Variants in ARHGAP24 observed in about 807,000 individuals in gnomAD.
ARHGAP24 encodes rho GTPase-activating protein 24.
A neutral mutation model predicts 76.4 loss-of-function variants in ARHGAP24; 50 were observed. The ratio of observed to expected loss-of-function variants is 0.65; its 90% CI spans 0.52 to 0.83. The LOEUF (loss-of-function observed/expected upper bound fraction) is 0.83. Ranked by LOEUF, ARHGAP24 falls within the 40% of genes least tolerant of loss-of-function variation. ARHGAP24 has a pLI of 0.00. For synonymous variants in ARHGAP24, 345 were observed against 323.3 expected (o/e 1.07, Z -0.72); for missense variants, 930 against 914.2 (o/e 1.02, Z -0.22).
intron 2 of ARHGAP24, among the ~76,000 whole-genome samples, chr4:85,572,669 T>C (rs934096746): frequency 6.6e-6 from 1 of 152,136 alleles, no homozygotes; most frequent in African/African-American, 2.4e-5. Context: ...CTAGTATTAC[T>C]AGTATTTGTA....
intron 3 of ARHGAP24, among the ~76,000 whole-genome samples, chr4:85,797,196 T>TG (rs775260427): frequency 2.2e-4 from 34 of 152,038 alleles, no homozygotes; most frequent in Admixed American, 7.2e-4. Context: ...TTTTTTGAGA[T>TG]GAGTCTTGCT....
chr4:85,497,430 A>G (rs1253241310), intron 1 of ARHGAP24, among the ~76,000 whole-genome samples: 1 of 152,268 alleles, frequency 6.6e-6, no homozygotes, highest in Non-Finnish European at 1.5e-5. Context: ...TGAAATAATT[A>G]TATAAATGCA....
intron 3 of ARHGAP24, among the ~76,000 whole-genome samples, chr4:85,882,823 C>T (rs927723079): frequency 6.6e-6 from 1 of 152,052 alleles, no homozygotes; most frequent in Admixed American, 6.6e-5. Context: ...TAGAGTAAAA[C>T]TAGAGTCACT....
intron 3 of ARHGAP24, among the ~76,000 whole-genome samples, chr4:85,841,460 C>T (rs1207731889): frequency 6.6e-6 from 1 of 152,164 alleles, no homozygotes; most frequent in Non-Finnish European, 1.5e-5. Context: ...AATTGTAGAA[C>T]TTAACTTATA....
At chr4:85,807,398 T>G (rs944923645) in intron 3 of ARHGAP24, among the ~76,000 whole-genome samples, 1 of 152,202 alleles carries the variant, frequency 6.6e-6, no homozygotes, top group Non-Finnish European at 1.5e-5. Flanking sequence ...CTGAGAATGA[T>G]GGTTTCAGTA....
chr4:85,479,006 T>C (rs985090815), intron 1 of ARHGAP24, among the ~76,000 whole-genome samples: 4 of 152,236 alleles, frequency 2.6e-5, no homozygotes, highest in Non-Finnish European at 5.9e-5. Context: ...CCCAGCCCAG[T>C]GTTGGAAACA....
At chr4:85,943,740 G>A (rs1322000765) in intron 5 of ARHGAP24, among the ~76,000 whole-genome samples, 4 of 151,894 alleles carry the variant, frequency 2.6e-5, no homozygotes, top group African/African-American at 7.3e-5. Flanking sequence ...TTAGTTTGCT[G>A]AGAATGATGG....
At chr4:85,767,246 G>A (rs1726962883) in intron 3 of ARHGAP24, among the ~76,000 whole-genome samples, 1 of 152,156 alleles carries the variant, frequency 6.6e-6, no homozygotes, top group African/African-American at 2.4e-5. Context: ...GAAGTCTTCA[G>A]GTAATAATAT....
At chr4:85,829,204 G>A (rs1367296145) in intron 3 of ARHGAP24, among the ~76,000 whole-genome samples, 3 of 152,088 alleles carry the variant, frequency 2.0e-5, no homozygotes, top group Non-Finnish European at 4.4e-5. Context: ...AGGAAAAAAG[G>A]AAATTTAAAT....
intron 3 of ARHGAP24, among the ~76,000 whole-genome samples, chr4:85,766,367 T>C (rs945845551): frequency 1.3e-5 from 2 of 152,140 alleles, no homozygotes; most frequent in African/African-American, 4.8e-5. Flanking sequence ...AATTCCTTGC[T>C]CTTCAGCTGC....
chr4:85,661,932 G>A (rs1034247234), intron 2 of ARHGAP24, among the ~76,000 whole-genome samples: 175 of 152,278 alleles, frequency 1.1e-3, no homozygotes, highest in African/African-American at 4.0e-3. Flanking sequence ...GGACATTTGG[G>A]TTGGTTCCAA....
chr4:85,681,946 T>TA (rs146151624), intron 2 of ARHGAP24, among the ~76,000 whole-genome samples: 1 of 152,330 alleles, frequency 6.6e-6, no homozygotes, highest in African/African-American at 2.4e-5. Context: ...ATCCTTAAAA[T>TA]ACTCCTAGAA....
chr4:85,920,122 A>T (rs1028097004), intron 3 of ARHGAP24, among the ~76,000 whole-genome samples: 10 of 152,228 alleles, frequency 6.6e-5, no homozygotes, highest in African/African-American at 2.4e-4. Context: ...GTTCTCAAAC[A>T]CTTATTAGAT....
At chr4:85,762,679 A>T (rs1159222312) in intron 3 of ARHGAP24, among the ~76,000 whole-genome samples, 2 of 152,152 alleles carry the variant, frequency 1.3e-5, no homozygotes, top group African/African-American at 4.8e-5. Flanking sequence ...ATGAGCTGGG[A>T]TTCTTCCAGG....
intron 1 of ARHGAP24, among the ~76,000 whole-genome samples, chr4:85,564,468 C>G (rs1025262978): frequency 1.3e-5 from 2 of 151,156 alleles, no homozygotes; most frequent in Non-Finnish European, 2.9e-5. Flanking sequence ...GTGCAGCACA[C>G]CAACATGGCA....
At chr4:85,748,906 A>G (rs1423424894) in intron 3 of ARHGAP24, among the ~76,000 whole-genome samples, 1 of 152,098 alleles carries the variant, frequency 6.6e-6, no homozygotes, top group Non-Finnish European at 1.5e-5. Context: ...TCTTGTCCTC[A>G]TGTATCCTGG....
At chr4:85,525,154 A>G (rs946359387) in intron 1 of ARHGAP24, among the ~76,000 whole-genome samples, 1 of 152,060 alleles carries the variant, frequency 6.6e-6, no homozygotes. Context: ...TTTGATACCA[A>G]ATTGCAGTAT....
intron 1 of ARHGAP24, among the ~76,000 whole-genome samples, chr4:85,505,219 G>A (rs1181405003): frequency 6.6e-6 from 1 of 152,134 alleles, no homozygotes; most frequent in Non-Finnish European, 1.5e-5. Context: ...TCTTCTCGAG[G>A]AGTATCTTTG....
At chr4:85,590,192 GCCTTCCTTCCTTCCTT>G (rs563217345) in intron 2 of ARHGAP24, among the ~76,000 whole-genome samples, 26,550 of 111,028 alleles carry the variant, frequency 0.24, 4,622 homozygotes, top group East Asian at 0.8. Context: ...CTGCCTGCCT[GCCTTCCTTCCTTCCTT>G]CCTTCCTTCC....
Sources: gnomAD v4.1 joint callset for allele counts (sites outside exome capture counted in the v4.1 genomes callset) on GRCh38, gnomAD v4.1.1 for gene constraint, MANE v1.5 for transcripts, NCBI Gene and HGNC (gene_info 2026-07-23, HGNC 2026-07-21) for gene names.